OPCML: variants seen among roughly 807,000 people sequenced by gnomAD.
The protein encoded by OPCML is opioid-binding protein/cell adhesion molecule.
OPCML carries 13 observed loss-of-function variants against 37.8 expected under a neutral mutation model. The observed-to-expected ratio is 0.34, with a 90% CI of 0.22 to 0.55. The LOEUF (loss-of-function observed/expected upper bound fraction) is 0.55. OPCML is among the 20% of genes least tolerant of loss of function. OPCML has a pLI of 0.91. For missense variants in OPCML, 341 were observed against 435.6 expected, an observed-to-expected ratio of 0.78 and a Z score of 1.93; for synonymous variants, 176 against 168.8, an observed-to-expected ratio of 1.04 and a Z score of -0.33.
chr11:132,855,703 C>T (rs1012849727), intron 2 of OPCML, among the ~76,000 whole-genome samples: 2 of 152,208 alleles, frequency 1.3e-5, no homozygotes, highest in Admixed American at 1.3e-4. Flanking sequence ...TAGTTGCAAC[C>T]TCATCAGAGT....
intron 1 of OPCML, among the ~76,000 whole-genome samples, chr11:133,083,172 G>A (rs995428700): frequency 1.8e-4 from 27 of 152,016 alleles, no homozygotes; most frequent in Admixed American, 3.9e-4. Context: ...ACACCCCGCC[G>A]AGCGGGCCGC....
intron 1 of OPCML, chr11:133,360,384 ATGCGAATGCAAGGGCCGACGATGC>A (rs1944386557): frequency 6.6e-6 from 1 of 152,220 alleles, no homozygotes; most frequent in Non-Finnish European, 1.5e-5. Flanking sequence ...CCTGCAAAGG[ATGCGAATGCAAGGGCCGACGATGC>A]CCGCAGGGGA....
chr11:133,256,707 T>C (rs947990361), intron 1 of OPCML, among the ~76,000 whole-genome samples: 92 of 152,344 alleles, frequency 6.0e-4, no homozygotes, highest in African/African-American at 2.1e-3. Flanking sequence ...TAAAAATCAA[T>C]GTATTTAAGT....
intron 1 of OPCML, among the ~76,000 whole-genome samples, chr11:133,036,289 T>A (rs1947782818): frequency 6.6e-6 from 1 of 152,188 alleles, no homozygotes; most frequent in East Asian, 1.9e-4. Context: ...GTTTGTACAT[T>A]TGTAAAAATA....
intron 3 of OPCML, among the ~76,000 whole-genome samples, chr11:132,578,652 T>C (rs1313393609): frequency 6.6e-6 from 1 of 152,206 alleles, no homozygotes; most frequent in Non-Finnish European, 1.5e-5. Flanking sequence ...ATTGTACCAG[T>C]AGCTCTGCCT....
chr11:133,010,754 A>C (rs1423999571), intron 1 of OPCML, among the ~76,000 whole-genome samples: 2 of 152,236 alleles, frequency 1.3e-5, no homozygotes, highest in African/African-American at 4.8e-5. Context: ...GGATGCAAGA[A>C]TATCTCGAGA....
chr11:133,098,180 G>GCT (rs1252974997), intron 1 of OPCML, among the ~76,000 whole-genome samples: 2 of 151,658 alleles, frequency 1.3e-5, no homozygotes, highest in Non-Finnish European at 2.9e-5. Flanking sequence ...GCTACCAAGT[G>GCT]GGATTTATCC....
intron 1 of OPCML, among the ~76,000 whole-genome samples, chr11:133,440,231 T>C (rs1456734999): frequency 6.6e-6 from 1 of 151,556 alleles, no homozygotes; most frequent in African/African-American, 2.4e-5. Flanking sequence ...ACCCCATCTC[T>C]AGTTTAAAAA....
intron 2 of OPCML, among the ~76,000 whole-genome samples, chr11:132,804,840 T>C (rs1938903642): frequency 6.6e-6 from 1 of 152,196 alleles, no homozygotes; most frequent in South Asian, 2.1e-4. Context: ...CTGTATACTG[T>C]ATTATCTATA....
chr11:132,864,190 G>T (rs112756993), intron 2 of OPCML, among the ~76,000 whole-genome samples: 5 of 151,936 alleles, frequency 3.3e-5, no homozygotes, highest in Admixed American at 1.3e-4. Context: ...CACCCTCCTC[G>T]GCCTCTCATA....
At chr11:132,783,645 G>A (rs1947107034) in intron 2 of OPCML, among the ~76,000 whole-genome samples, 1 of 152,046 alleles carries the variant, frequency 6.6e-6, no homozygotes, top group Admixed American at 6.6e-5. Flanking sequence ...CCAGGGGGGT[G>A]AATAAAGATA....
At chr11:132,842,638 T>C (rs1941344973) in intron 2 of OPCML, among the ~76,000 whole-genome samples, 1 of 152,186 alleles carries the variant, frequency 6.6e-6, no homozygotes, top group African/African-American at 2.4e-5. Context: ...CTCCTCTAGG[T>C]ACTATTTTCA....
chr11:132,808,139 G>T (rs1193006716), intron 2 of OPCML, among the ~76,000 whole-genome samples: 2 of 152,186 alleles, frequency 1.3e-5, no homozygotes, highest in African/African-American at 4.8e-5. Flanking sequence ...TATACTAGGG[G>T]ATGGGAACCA....
intron 3 of OPCML, among the ~76,000 whole-genome samples, chr11:132,621,497 A>G (rs921264926): frequency 6.0e-4 from 91 of 152,214 alleles, no homozygotes; most frequent in African/African-American, 2.2e-3. Flanking sequence ...CACACACAGC[A>G]TGGAAGGATA....
At chr11:133,491,909 C>T (rs973644518) in intron 1 of OPCML, among the ~76,000 whole-genome samples, 4 of 152,198 alleles carry the variant, frequency 2.6e-5, no homozygotes, top group African/African-American at 4.8e-5. Context: ...TGTATTCTCA[C>T]TCACGAGGCC....
intron 1 of OPCML, among the ~76,000 whole-genome samples, chr11:133,126,893 A>G (rs975456238): frequency 5.3e-5 from 8 of 152,116 alleles, no homozygotes; most frequent in African/African-American, 1.9e-4. Flanking sequence ...ACTGAAAAAG[A>G]GAGTGCCTGG....
At chr11:133,494,573 G>C (rs1947739744) in intron 1 of OPCML, among the ~76,000 whole-genome samples, 1 of 145,782 alleles carries the variant, frequency 6.9e-6, no homozygotes, top group South Asian at 2.2e-4. Context: ...CCTTTGTAGG[G>C]ACATGGATGA....
At chr11:133,329,458 A>G (rs1943565369) in intron 1 of OPCML, among the ~76,000 whole-genome samples, 1 of 152,196 alleles carries the variant, frequency 6.6e-6, no homozygotes, top group South Asian at 2.1e-4. Context: ...AGTAACCAAA[A>G]CAGCATGGTA....
intron 1 of OPCML, among the ~76,000 whole-genome samples, chr11:132,979,382 A>G (rs1443031478): frequency 6.6e-6 from 1 of 152,138 alleles, no homozygotes; most frequent in Non-Finnish European, 1.5e-5. Context: ...CCACAAGTCC[A>G]TTCTAGCCAC....
Sources: gnomAD v4.1 joint callset for allele counts (sites outside exome capture counted in the v4.1 genomes callset) on GRCh38, gnomAD v4.1.1 for gene constraint, MANE v1.5 for transcripts, NCBI Gene and HGNC (gene_info 2026-07-23, HGNC 2026-07-21) for gene names.